LARP1B: variants seen among roughly 807,000 people sequenced by gnomAD.
LARP1B encodes the protein La ribonucleoprotein 1B, also known as la-related protein 1B.
Under a neutral mutation model 114.2 loss-of-function variants are expected in LARP1B, and 76 were observed. The ratio of observed to expected loss-of-function variants is 0.67; its 90% confidence interval spans 0.55 to 0.81. LARP1B has a LOEUF of 0.81. Among genes scored for constraint, LARP1B ranks in the 30% least tolerant of loss-of-function variants. The probability of loss-of-function intolerance (pLI) is 0.00; values close to 1 mark genes in which losing one functional copy is unlikely to be tolerated. For missense variants in LARP1B, 1,014 were observed against 1,075.8 expected, an observed-to-expected ratio of 0.94 and a Z score of 0.80; for synonymous variants, 345 against 348.0, an observed-to-expected ratio of 0.99 and a Z score of 0.10.
chr4:128,065,739 G>A (rs900874066), intron 1 of LARP1B, among the ~76,000 whole-genome samples: 3 of 152,052 alleles, frequency 2.0e-5, no homozygotes, highest in African/African-American at 4.8e-5. Flanking sequence ...TAATACCAGA[G>A]TGCCACTTAT....
chr4:128,077,672 A>G (rs922842412), intron 3 of LARP1B, 116 bp from the exon 4 acceptor site: 12 of 1,108,250 alleles, frequency 1.1e-5, no homozygotes, highest in Non-Finnish European at 1.5e-5. Context: ...TTTGCCTTTG[A>G]TAACAGTTTT....
intron 12 of LARP1B, among the ~76,000 whole-genome samples, chr4:128,168,278 G>GCT (rs1742005140): frequency 2.0e-5 from 3 of 150,722 alleles, no homozygotes; most frequent in African/African-American, 7.3e-5. Context: ...AGTATTGTTA[G>GCT]TTTTTTTTTT....
At chr4:128,188,178 G>T (rs944399298) in intron 15 of LARP1B, among the ~76,000 whole-genome samples, 3 of 151,652 alleles carry the variant, frequency 2.0e-5, no homozygotes, top group Non-Finnish European at 4.4e-5. Flanking sequence ...GGGTTCAAGT[G>T]ATTCTCCTGC....
At chr4:128,114,548 T>C (rs1785168477) in intron 9 of LARP1B, 22 bp from the exon 10 acceptor site, 1 of 1,562,626 alleles carries the variant, frequency 6.4e-7, no homozygotes, top group South Asian at 1.2e-5. Context: ...ATTTTAACTA[T>C]AGAACTAACT....
intron 11 of LARP1B, among the ~76,000 whole-genome samples, chr4:128,132,467 A>G (rs1791875114): frequency 6.6e-6 from 1 of 152,036 alleles, no homozygotes; most frequent in Non-Finnish European, 1.5e-5. Flanking sequence ...GCTGGTCTCA[A>G]ACTCCTGACC....
chr4:128,063,775 G>A (rs896089210), intron 1 of LARP1B, among the ~76,000 whole-genome samples: 3 of 151,428 alleles, frequency 2.0e-5, no homozygotes, highest in Non-Finnish European at 2.9e-5. Context: ...GCGAAACTCC[G>A]TCTCAAAAAA....
intron 9 of LARP1B, among the ~76,000 whole-genome samples, chr4:128,111,086 G>C (rs917383118): frequency 4.0e-5 from 6 of 148,310 alleles, no homozygotes; most frequent in African/African-American, 1.5e-4. Context: ...TTGCTCCGTT[G>C]CCCAGGCTGG....
Position 128,160,373 on chromosome 4 carries a change from C to A in LARP1B, c.1525-1821C>A, listed in dbSNP as rs532930259. Among the ~76,000 whole-genome samples, 13 of 152,170 alleles carry A rather than the reference C, an allele frequency of 8.5e-5. No homozygotes were observed. The East Asian group carries it at 2.3e-3, about 27-fold the overall frequency. On this transcript the variant is annotated intron_variant, in intron 11 of 19. Transcript: ENST00000326639. ...ACCTACTGTATTGAAGGTGTATGAG[C>A]TATTTTGGGGGAGAAAGAGGAGATC...
intron 12 of LARP1B, among the ~76,000 whole-genome samples, chr4:128,166,076 A>T (rs1342228291): frequency 6.6e-6 from 1 of 152,070 alleles, no homozygotes; most frequent in African/African-American, 2.4e-5. Flanking sequence ...TGTGTGGTTA[A>T]CAGTACCACT....
At chr4:128,095,465 G>C (rs1777559638) in intron 7 of LARP1B, among the ~76,000 whole-genome samples, 1 of 145,512 alleles carries the variant, frequency 6.9e-6, no homozygotes, top group African/African-American at 2.6e-5. Context: ...CTCCAGCCTG[G>C]GCAATAAGAG....
At chr4:128,103,888 A>C (rs7661888) in intron 8 of LARP1B, among the ~76,000 whole-genome samples, 7 of 151,432 alleles carry the variant, frequency 4.6e-5, no homozygotes, top group Non-Finnish European at 8.8e-5. Context: ...TTTATAAAAA[A>C]CATGTGTTGG....
chr4:128,113,781 CTTTTTTTTTT>C (rs1156610852), intron 9 of LARP1B, among the ~76,000 whole-genome samples: 2 of 114,238 alleles, frequency 1.8e-5, no homozygotes, highest in Admixed American at 9.3e-5. Flanking sequence ...GACATTTACT[CTTTTTTTTTT>C]TTTTTTTTTT....
intron 11 of LARP1B, among the ~76,000 whole-genome samples, chr4:128,153,740 C>A (rs921207860): frequency 1.3e-5 from 2 of 152,116 alleles, no homozygotes; most frequent in African/African-American, 2.4e-5. Context: ...GCTAATGACT[C>A]CCTTGTGTCT....
chr4:128,118,837 A>G lies in LARP1B; in HGVS notation c.1162-2989A>G, dbSNP rs1786898238. ...TTTTCTTGTTTGATCTAATCTGCTC[A>G]TCTAGTGGGCTGTTTTGTTTAATGT... is the stretch of plus-strand genomic sequence containing the variant. On this transcript the variant is annotated intron_variant, in intron 10 of 19. Coordinates refer to ENST00000326639, the MANE Select transcript of LARP1B (RefSeq NM_018078.4). Among the ~76,000 whole-genome samples, 6 of 140,280 alleles carry G rather than the reference A, an allele frequency of 4.3e-5. No homozygotes were observed. In the South Asian group the frequency reaches 1.4e-3, roughly 32 times the overall value. The allele number at this position is 140,280 out of a possible 152,430, so 92.0% of individuals were successfully genotyped here. A position where few individuals can be genotyped will look rare whatever the true frequency, so the allele number is the denominator to read the frequency against.
rs1351090820 is a variant in LARP1B at position 128,199,618 on chromosome 4, A to G, written c.2164+19A>G. On this transcript the variant is annotated intron_variant, in intron 16 of 19. Coordinates refer to ENST00000326639, the MANE Select transcript of LARP1B (RefSeq NM_018078.4). Reference sequence around the variant, plus strand: ...CTAAGTGGTAAGATGCTTGTCCTTTATCTATCTAATATATTTAAAATTAAA... The same window carrying G: ...CTAAGTGGTAAGATGCTTGTCCTTTGTCTATCTAATATATTTAAAATTAAA... The G allele has an allele frequency of 2.9e-6, 4 of 1,357,616 alleles. No individual in the cohort carries two copies. The highest frequency in any genetic ancestry group is 3.0e-5 in the African/African-American group (2 of 67,670). The allele number at this position is 1,357,616 out of a possible 1,614,324, so 84.1% of individuals were successfully genotyped here. A position where few individuals can be genotyped will look rare whatever the true frequency, so the allele number is the denominator to read the frequency against.
rs566647236 is a variant in LARP1B at position 128,179,383 on chromosome 4, A to G, written c.1897-23A>G. ...GTTCACACTATTGAAACTAATTGCA[A>G]TGCTTGACTTTATTTTCTTTAGAGT... On this transcript the variant is annotated intron_variant, in intron 14 of 19. Transcript: ENST00000326639. The G allele has an allele frequency of 1.0e-5, 15 of 1,490,210 alleles. No individual in the cohort carries two copies. The East Asian group carries it at 2.7e-4, about 27-fold the overall frequency. The allele number at this position is 1,490,210 out of a possible 1,614,324, so 92.3% of individuals were successfully genotyped here.
chr4:128,142,788 G>C (rs565666029), intron 11 of LARP1B, among the ~76,000 whole-genome samples: 2 of 152,046 alleles, frequency 1.3e-5, no homozygotes, highest in South Asian at 4.2e-4. Context: ...GATTACAGGC[G>C]TGAGCCACTG....
At chr4:128,119,465 T>G (rs979324537) in intron 10 of LARP1B, among the ~76,000 whole-genome samples, 5 of 152,222 alleles carry the variant, frequency 3.3e-5, no homozygotes, top group Non-Finnish European at 5.9e-5. Context: ...AATCTTATTT[T>G]GTTTAGAAAG....
At chr4:128,097,607 A>G (rs1216491962) in intron 7 of LARP1B, among the ~76,000 whole-genome samples, 1 of 152,178 alleles carries the variant, frequency 6.6e-6, no homozygotes, top group African/African-American at 2.4e-5. Flanking sequence ...GCGCCTGGCC[A>G]TGTTCACTGA....
Sources: gnomAD v4.1 joint callset for allele counts (sites outside exome capture counted in the v4.1 genomes callset) on GRCh38, gnomAD v4.1.1 for gene constraint, MANE v1.5 for transcripts, NCBI Gene and HGNC (gene_info 2026-07-23, HGNC 2026-07-21) for gene names.